CFAP77: variants seen among roughly 807,000 people sequenced by gnomAD.
CFAP77 encodes cilia- and flagella-associated protein 77.
A neutral mutation model predicts 31.1 loss-of-function variants in CFAP77; 25 were observed. That is an observed-to-expected ratio of 0.80 (90% CI 0.59 to 1.12). The LOEUF (loss-of-function observed/expected upper bound fraction) is 1.12, where lower values mean the gene tolerates loss of function less well. CFAP77 is among the 50% of genes most tolerant of loss of function. CFAP77 has a pLI of 0.00. For synonymous variants in CFAP77, 151 were observed against 159.9 expected (o/e 0.94, Z 0.42); for missense variants, 377 against 397.3 (o/e 0.95, Z 0.44).
At chr9:132,437,488 C>T (rs1013333682) in intron 1 of CFAP77, among the ~76,000 whole-genome samples, 1 of 136,216 alleles carries the variant, frequency 7.3e-6, no homozygotes, top group East Asian at 2.2e-4. Context: ...TCAAGAGGGG[C>T]GGGACCACTT....
chr9:132,520,963 A>T (rs527333344), intron 3 of CFAP77, among the ~76,000 whole-genome samples: 6 of 152,230 alleles, frequency 3.9e-5, no homozygotes, highest in Non-Finnish European at 5.9e-5. Context: ...ACAGAAGCAC[A>T]GATGTTCCCA....
intron 5 of CFAP77, among the ~76,000 whole-genome samples, chr9:132,558,065 A>G (rs1013375186): frequency 6.6e-6 from 1 of 152,226 alleles, no homozygotes; most frequent in African/African-American, 2.4e-5. Context: ...ATTTTGTAAC[A>G]GAGGTTGGCC....
intron 4 of CFAP77, 150 bp downstream of exon 4, chr9:132,537,856 G>T (rs1852573116): frequency 1.6e-6 from 1 of 640,926 alleles, no homozygotes; most frequent in Non-Finnish European, 2.8e-6. Flanking sequence ...CAGCATCAGA[G>T]AATCTACAGC....
intron 3 of CFAP77, among the ~76,000 whole-genome samples, chr9:132,508,997 C>T (rs909409303): frequency 3.9e-5 from 6 of 152,184 alleles, no homozygotes; most frequent in Admixed American, 2.0e-4. Flanking sequence ...TCCTGAGCTC[C>T]GTTCACGTTG....
chr9:132,456,959 G>C (rs1174350072), intron 1 of CFAP77, among the ~76,000 whole-genome samples: 1 of 151,934 alleles, frequency 6.6e-6, no homozygotes, highest in African/African-American at 2.4e-5. Context: ...TGCTCAGGCT[G>C]GTCTTGAACT....
At chr9:132,526,126 A>G (rs1167371550) in intron 3 of CFAP77, among the ~76,000 whole-genome samples, 1 of 152,236 alleles carries the variant, frequency 6.6e-6, no homozygotes, top group Non-Finnish European at 1.5e-5. Context: ...AACATTTGTG[A>G]ATAAGTTTTT....
chr9:132,443,118 G>A (rs1030260490), intron 1 of CFAP77, among the ~76,000 whole-genome samples: 4 of 151,946 alleles, frequency 2.6e-5, no homozygotes, highest in Non-Finnish European at 4.4e-5. Flanking sequence ...CATCCATGTC[G>A]CAGCAAGTAT....
In CFAP77 at chr9:132,501,402, CT is replaced by C. The variant is rs750312944; in HGVS notation, c.524+1817del. ...CCAGCTCAGGTTACATGACTATCTT[CT>C]TTTTTTTTTTTTTTGGACAGTGTCT... is the stretch of plus-strand genomic sequence containing the variant. On this transcript the variant is annotated intron_variant, in intron 3 of 5. Coordinates refer to ENST00000393216, the MANE Select transcript of CFAP77 (RefSeq NM_001282957.2). The surrounding 1 kb of genome is among the most constrained non-coding windows in gnomAD (Gnocchi z 4.6). Among the ~76,000 whole-genome samples the C allele has an allele frequency of 6.2e-3, 883 of 141,858 alleles. 2 individuals are homozygous for C. Among genetic ancestry groups the C allele is most frequent in the Non-Finnish European group, 9.0e-3 (584 of 64,718 alleles). 93.1% of individuals were successfully genotyped at this position (141,858 alleles called of 152,430 possible).
intron 3 of CFAP77, among the ~76,000 whole-genome samples, chr9:132,513,874 C>T (rs7028726): frequency 0.16 from 24,149 of 152,022 alleles, 2,012 homozygotes; most frequent in South Asian, 0.25. Flanking sequence ...CTTCTCAACT[C>T]TTTCTACCTC....
intron 1 of CFAP77, among the ~76,000 whole-genome samples, chr9:132,457,022 G>C (rs2131720356): frequency 6.6e-6 from 1 of 152,246 alleles, no homozygotes. Context: ...TGGGATTACA[G>C]GCACCTGGCC....
intron 3 of CFAP77, among the ~76,000 whole-genome samples, chr9:132,523,886 G>T (rs141060962): frequency 9.8e-4 from 149 of 152,258 alleles, no homozygotes; most frequent in African/African-American, 3.1e-3. Context: ...TCTGGTTTCT[G>T]CCCCGCCACC....
rs115514737 is a variant in CFAP77 at position 132,552,187 on chromosome 9, A to C, written c.732+9140A>C. ...GTGGCTCCAGGTCCCAGCCTGCCTC[A>C]TGCCCGCCCCAGGTCTGCATCTGTG... On this transcript the variant is annotated intron_variant, in intron 5 of 5. Coordinates refer to ENST00000393216, the MANE Select transcript of CFAP77 (RefSeq NM_001282957.2). The surrounding 1 kb of genome is among the most constrained non-coding windows in gnomAD (Gnocchi z 5.5). Among the ~76,000 whole-genome samples the C allele has an allele frequency of 0.011, 1,647 of 152,330 alleles. 39 individuals are homozygous for C. Among genetic ancestry groups the C allele is most frequent in the African/African-American group, 0.037 (1,542 of 41,578 alleles).
intron 1 of CFAP77, among the ~76,000 whole-genome samples, chr9:132,431,928 G>A (rs903290871): frequency 5.9e-5 from 9 of 152,224 alleles, no homozygotes; most frequent in South Asian, 2.1e-4. Context: ...TTATCCTCCC[G>A]AGTAGCTGGG....
chr9:132,494,368 G>A (rs911362402), intron 1 of CFAP77, among the ~76,000 whole-genome samples: 4 of 152,114 alleles, frequency 2.6e-5, no homozygotes, highest in African/African-American at 4.8e-5. Context: ...AAACCATGAC[G>A]ACCAAAAATA....
intron 1 of CFAP77, among the ~76,000 whole-genome samples, chr9:132,484,852 C>CTT (rs772628691): frequency 1.4e-5 from 2 of 138,142 alleles, no homozygotes; most frequent in African/African-American, 2.7e-5. Context: ...AACTTTCTTT[C>CTT]TTTTTTTTTT....
intron 1 of CFAP77, among the ~76,000 whole-genome samples, chr9:132,438,541 A>ATATAT: frequency 1.0e-4 from 11 of 108,126 alleles, no homozygotes; most frequent in African/African-American, 4.5e-4. Context: ...ATATATATAT[A>ATATAT]TTTTTTTTTT....
At chr9:132,528,415 C>A (rs999313861) in intron 3 of CFAP77, among the ~76,000 whole-genome samples, 4 of 146,656 alleles carry the variant, frequency 2.7e-5, no homozygotes, top group African/African-American at 9.9e-5. Flanking sequence ...AGAAGAAAAC[C>A]TAGGCATTAC....
At chr9:132,486,018 A>ATGTGTG (rs1461869678) in intron 1 of CFAP77, among the ~76,000 whole-genome samples, 1 of 37,560 alleles carries the variant, frequency 2.7e-5, no homozygotes, top group African/African-American at 2.8e-4. Flanking sequence ...ATATATATAT[A>ATGTGTG]TATATATATA....
At chr9:132,526,450 T>C (rs1852364759) in intron 3 of CFAP77, among the ~76,000 whole-genome samples, 1 of 151,878 alleles carries the variant, frequency 6.6e-6, no homozygotes. Context: ...GCCAGGATGG[T>C]CTCGATCTCC....
Sources: gnomAD v4.1 joint callset for allele counts (sites outside exome capture counted in the v4.1 genomes callset) on GRCh38, gnomAD v4.1.1 for gene constraint, Gnocchi (gnomAD v3.1) non-coding constraint, MANE v1.5 for transcripts, NCBI Gene and HGNC (gene_info 2026-07-23, HGNC 2026-07-21) for gene names.